Variants in STXBP5L observed in about 807,000 individuals in gnomAD.
STXBP5L encodes the protein syntaxin-binding protein 5-like.
A neutral mutation model predicts 144.5 loss-of-function variants in STXBP5L; 65 were observed. That is an observed-to-expected ratio of 0.45 (90% CI 0.37 to 0.55). The LOEUF (loss-of-function observed/expected upper bound fraction) is 0.55, where lower values mean the gene tolerates loss of function less well. STXBP5L is among the 20% of genes least tolerant of loss of function. The pLI is 0.00. For synonymous variants in STXBP5L, 505 were observed against 469.6 expected (o/e 1.08, Z -0.97); for missense variants, 1,298 against 1,405.5 (o/e 0.92, Z 1.22).
intron 3 of STXBP5L, among the ~76,000 whole-genome samples, chr3:121,027,704 A>G (rs567714525): frequency 6.6e-6 from 1 of 151,984 alleles, no homozygotes; most frequent in Non-Finnish European, 1.5e-5. Context: ...GAATAATCCA[A>G]GATAATCTCC....
intron 3 of STXBP5L, among the ~76,000 whole-genome samples, chr3:121,019,990 G>A (rs1945429691): frequency 1.3e-5 from 2 of 152,172 alleles, no homozygotes; most frequent in South Asian, 4.1e-4. Flanking sequence ...AGGCAACAGA[G>A]AAAGGTGAAG....
chr3:121,336,772 G>T (rs2044521313), intron 20 of STXBP5L, among the ~76,000 whole-genome samples: 1 of 152,092 alleles, frequency 6.6e-6, no homozygotes, highest in Non-Finnish European at 1.5e-5. Context: ...CAAAGGAATA[G>T]AAATCATTCT....
chr3:120,962,473 C>A (rs1345426515), intron 3 of STXBP5L, among the ~76,000 whole-genome samples: 1 of 152,158 alleles, frequency 6.6e-6, no homozygotes, highest in Non-Finnish European at 1.5e-5. Flanking sequence ...AGGAAGAGAT[C>A]CAGTTTCAGC....
chr3:121,403,338 CTG>C (rs1276044373), intron 22 of STXBP5L, among the ~76,000 whole-genome samples: 2 of 152,118 alleles, frequency 1.3e-5, no homozygotes, highest in Admixed American at 6.6e-5. Flanking sequence ...CTTGTGTGAA[CTG>C]TGTGGTAGTT....
At chr3:120,939,357 G>A (rs549042756) in intron 2 of STXBP5L, among the ~76,000 whole-genome samples, 1 of 152,134 alleles carries the variant, frequency 6.6e-6, no homozygotes, top group Admixed American at 6.5e-5. Flanking sequence ...AGAAAGACAT[G>A]GACTATATTA....
At chr3:121,332,398 A>T (rs1577478070) in intron 20 of STXBP5L, among the ~76,000 whole-genome samples, 1 of 144,928 alleles carries the variant, frequency 6.9e-6, no homozygotes, top group Non-Finnish European at 1.5e-5. Context: ...CTATAGAGAT[A>T]GATATTTTCA....
chr3:121,330,906 A>G (rs2044301616), intron 20 of STXBP5L, among the ~76,000 whole-genome samples: 1 of 152,232 alleles, frequency 6.6e-6, no homozygotes, highest in South Asian at 2.1e-4. Context: ...CAGAATCTAT[A>G]TCACTCGCCT....
intron 10 of STXBP5L, among the ~76,000 whole-genome samples, chr3:121,215,571 T>C (rs184687156): frequency 1.3e-3 from 192 of 152,224 alleles, no homozygotes; most frequent in Middle Eastern, 6.8e-3. Flanking sequence ...CAGAGAGAAC[T>C]GGTTTAGTCT....
intron 3 of STXBP5L, among the ~76,000 whole-genome samples, chr3:120,976,201 G>C (rs1940988188): frequency 6.6e-6 from 1 of 152,120 alleles, no homozygotes; most frequent in Non-Finnish European, 1.5e-5. Flanking sequence ...GTAAGCTATT[G>C]ATTATTGCCA....
chr3:121,341,207 G>C (rs2044697604), intron 20 of STXBP5L, among the ~76,000 whole-genome samples: 1 of 152,078 alleles, frequency 6.6e-6, no homozygotes, highest in African/African-American at 2.4e-5. Context: ...AAAAATCTGA[G>C]TAGACATTTC....
At chr3:121,267,057 G>A (rs996343870) in intron 18 of STXBP5L, among the ~76,000 whole-genome samples, 5 of 152,020 alleles carry the variant, frequency 3.3e-5, no homozygotes, top group Non-Finnish European at 7.4e-5. Flanking sequence ...TTATAAAAAA[G>A]TACTTTAAAT....
At chr3:121,249,395 C>T (rs942372970) in intron 14 of STXBP5L, among the ~76,000 whole-genome samples, 2 of 152,082 alleles carry the variant, frequency 1.3e-5, no homozygotes, top group Non-Finnish European at 2.9e-5. Context: ...CAACATCTTA[C>T]AATTTTCAGC....
intron 3 of STXBP5L, among the ~76,000 whole-genome samples, chr3:120,997,889 C>T (rs555194975): frequency 5.5e-4 from 84 of 152,208 alleles, no homozygotes; most frequent in Middle Eastern, 3.4e-3. Flanking sequence ...CCACTAAGAT[C>T]AAATACACTT....
chr3:121,161,144 C>A (rs2046310695), intron 9 of STXBP5L, among the ~76,000 whole-genome samples: 2 of 151,664 alleles, frequency 1.3e-5, no homozygotes, highest in African/African-American at 2.4e-5. Flanking sequence ...CCTGAAGATA[C>A]AAGAACATTA....
At chr3:120,980,609 G>T (rs1031977977) in intron 3 of STXBP5L, among the ~76,000 whole-genome samples, 38 of 151,454 alleles carry the variant, frequency 2.5e-4, no homozygotes, top group Non-Finnish European at 4.4e-5. Flanking sequence ...GAGTTAGGTG[G>T]GTTTCTTATA....
At chr3:121,174,044 C>T (rs2046837230) in intron 9 of STXBP5L, among the ~76,000 whole-genome samples, 2 of 152,110 alleles carry the variant, frequency 1.3e-5, no homozygotes, top group African/African-American at 4.8e-5. Flanking sequence ...ACTAGGGTCA[C>T]ATGGCATTTT....
chr3:121,419,612 C>T lies in STXBP5L; in HGVS notation c.*515C>T, dbSNP rs2047316561. On this transcript the variant is annotated 3_prime_UTR_variant, in exon 27 of 27. Coordinates refer to ENST00000471454, the MANE Select transcript of STXBP5L (RefSeq NM_001308330.2). ...TGCATTTCAAATATATTTGCCATAC[C>T]CAACTGAAACGGAAAACAAAACAAA... is the stretch of plus-strand genomic sequence containing the variant. 1 of 152,112 alleles carries T rather than the reference C, an allele frequency of 6.6e-6. No homozygotes were observed. Among genetic ancestry groups the T allele is most frequent in the Non-Finnish European group, 1.5e-5 (1 of 68,046 alleles). 9.4% of individuals were successfully genotyped at this position (152,112 alleles called of 1,614,324 possible).
chr3:121,131,195 C>A (rs1577029627), intron 7 of STXBP5L, among the ~76,000 whole-genome samples: 1 of 151,968 alleles, frequency 6.6e-6, no homozygotes, highest in African/African-American at 2.4e-5. Context: ...ATACACGAAA[C>A]AAGAGGAAAT....
chr3:121,188,700 A>G (rs919838393), intron 9 of STXBP5L, among the ~76,000 whole-genome samples: 1 of 152,228 alleles, frequency 6.6e-6, no homozygotes, highest in Admixed American at 6.5e-5. Flanking sequence ...AGAACCAATG[A>G]CAAAAACCAC....
Sources: gnomAD v4.1 joint callset for allele counts (sites outside exome capture counted in the v4.1 genomes callset) on GRCh38, gnomAD v4.1.1 for gene constraint, MANE v1.5 for transcripts, NCBI Gene and HGNC (gene_info 2026-07-23, HGNC 2026-07-21) for gene names.